The following ADGRL3 variants were observed in gnomAD, a reference collection of about 807,000 sequenced individuals.
ADGRL3 encodes adhesion G protein-coupled receptor L3, also known as calcium-independent alpha-latrotoxin receptor 3.
ADGRL3 carries 62 observed loss-of-function variants against 153.5 expected under a neutral mutation model. The ratio of observed to expected loss-of-function variants is 0.40; its 90% CI spans 0.33 to 0.50. The LOEUF is 0.50. Among genes scored for constraint, ADGRL3 ranks in the 20% least tolerant of loss-of-function variants. ADGRL3 has a pLI of 0.47. For synonymous variants in ADGRL3, 710 were observed against 672.5 expected (o/e 1.06, Z -0.86); for missense variants, 1,641 against 1,859.4 (o/e 0.88, Z 2.16).
intron 2 of ADGRL3, among the ~76,000 whole-genome samples, chr4:61,400,937 T>A (rs981663373): frequency 2.6e-5 from 4 of 151,814 alleles, no homozygotes; most frequent in Admixed American, 2.6e-4. Flanking sequence ...ATGCTCTGTT[T>A]GCATTAGATT....
At chr4:61,829,062 G>GATACTTTATCAGTTTAC (rs2097843060) in intron 9 of ADGRL3, among the ~76,000 whole-genome samples, 2 of 152,192 alleles carry the variant, frequency 1.3e-5, no homozygotes, top group African/African-American at 4.8e-5. Context: ...ATAAACATGT[G>GATACTTTATCAGTTTAC]TGGTACTTTA....
Position 61,912,750 on chromosome 4 carries a change from A to C in ADGRL3, c.2105A>C (p.Tyr702Ser). ...AAAAGAGAGCGCTCTTGCAGAGCCT[A>C]TGTCCAGGTACTTTCTGCGTTTTTA... ...LQKRERSCRA[Y>S]VQAMVETVNN... is the part of the protein sequence containing the mutation. The change falls in exon 13 of 27, where the codon TAT becomes TCT. Residue 702 changes from tyrosine to serine, a missense_variant. Physicochemically the swap from Tyr to Ser is moderately radical, Grantham distance 144 (BLOSUM62 -2). Coordinates refer to ENST00000683033, the MANE Select transcript of ADGRL3 (RefSeq NM_001387552.1). The C allele has an allele frequency of 6.2e-7, 1 of 1,613,174 alleles. No homozygotes were observed. Among genetic ancestry groups the C allele is most frequent in the Non-Finnish European group, 8.5e-7 (1 of 1,179,408 alleles).
intron 1 of ADGRL3, among the ~76,000 whole-genome samples, chr4:61,380,588 T>C (rs551355926): frequency 1.3e-3 from 192 of 152,160 alleles, no homozygotes; most frequent in African/African-American, 4.5e-3. Context: ...ATTAAAGCAA[T>C]CTAGTACTCA....
At chr4:61,814,998 G>T (rs925075900) in intron 9 of ADGRL3, among the ~76,000 whole-genome samples, 1 of 152,002 alleles carries the variant, frequency 6.6e-6, no homozygotes, top group African/African-American at 2.4e-5. Flanking sequence ...TCGGGTCTGC[G>T]CTTGGCACAT....
chr4:62,060,574 T>G (rs1038265004), intron 25 of ADGRL3, among the ~76,000 whole-genome samples: 16 of 151,898 alleles, frequency 1.1e-4, no homozygotes, highest in Admixed American at 3.9e-4. Context: ...ACTTTTTTAC[T>G]TGAAAAAGAT....
At chr4:61,985,609 T>A (rs1022461911) in intron 19 of ADGRL3, among the ~76,000 whole-genome samples, 3 of 152,150 alleles carry the variant, frequency 2.0e-5, no homozygotes, top group Non-Finnish European at 4.4e-5. Flanking sequence ...TAAAAGAGCT[T>A]GCTTCTCAGA....
chr4:61,716,264 T>C (rs1351611694), intron 6 of ADGRL3, among the ~76,000 whole-genome samples: 1 of 152,124 alleles, frequency 6.6e-6, no homozygotes, highest in East Asian at 1.9e-4. Context: ...AAAATCTTAA[T>C]ACATCCCTCA....
At chr4:61,334,261 A>G (rs1473895915) in intron 1 of ADGRL3, among the ~76,000 whole-genome samples, 1 of 151,966 alleles carries the variant, frequency 6.6e-6, no homozygotes, top group Non-Finnish European at 1.5e-5. Context: ...GAACTATAAT[A>G]TTTTTCTCCT....
At chr4:61,962,141 A>G (rs947259954) in intron 17 of ADGRL3, among the ~76,000 whole-genome samples, 5 of 152,046 alleles carry the variant, frequency 3.3e-5, no homozygotes, top group Admixed American at 6.6e-5. Context: ...CAGGAGGGTG[A>G]GGCAGGAAAA....
intron 3 of ADGRL3, among the ~76,000 whole-genome samples, chr4:61,511,145 G>A (rs888230051): frequency 6.6e-6 from 1 of 152,126 alleles, no homozygotes; most frequent in African/African-American, 2.4e-5. Flanking sequence ...ATCACTTGAG[G>A]TAGGGAGTTC....
intron 9 of ADGRL3, among the ~76,000 whole-genome samples, chr4:61,853,764 G>T (rs568427498): frequency 6.6e-6 from 1 of 152,248 alleles, no homozygotes; most frequent in Admixed American, 6.5e-5. Context: ...TAATATTCGA[G>T]ATTTATTCTT....
In ADGRL3 at chr4:62,044,480, A is replaced by G. The variant is rs770597179; in HGVS notation, c.3745A>G (p.Thr1249Ala). The change falls in exon 25 of 27, where the codon ACG becomes GCG. Residue 1249 changes from threonine to alanine, a missense_variant. Physicochemically the swap from Thr to Ala is moderately conservative, Grantham distance 58. This residue lies in a region of ADGRL3 where 517 missense variants were observed against 555.0 expected (regional missense o/e 0.93). Coordinates refer to ENST00000683033, the MANE Select transcript of ADGRL3 (RefSeq NM_001387552.1). The stretch of plus-strand genomic sequence containing the variant: ...CCGAATCCGTAGAATGTGGAATGAC[A>G]CGGTTCGAAAGCAGTCAGAGTCTTC... ...QSRIRRMWND[T>A]VRKQSESSFI... 6.9e-6 allele frequency: 11 copies of G among 1,595,950 alleles called. No homozygotes were observed. The highest frequency in any genetic ancestry group is 9.4e-6 in the Non-Finnish European group (11 of 1,170,744).
chr4:61,917,773 T>C (rs186771600), intron 13 of ADGRL3, among the ~76,000 whole-genome samples: 16 of 149,524 alleles, frequency 1.1e-4, no homozygotes, highest in Admixed American at 1.1e-3. Context: ...ACTATGCTGA[T>C]ATGCAGGAGC....
intron 8 of ADGRL3, among the ~76,000 whole-genome samples, chr4:61,807,809 G>A (rs2097568170): frequency 1.3e-5 from 2 of 152,164 alleles, no homozygotes; most frequent in Non-Finnish European, 1.5e-5. Context: ...CTGGGATGGG[G>A]AAAGCAGCAT....
At chr4:61,225,912 T>G (rs1747736650) in intron 1 of ADGRL3, among the ~76,000 whole-genome samples, 1 of 152,206 alleles carries the variant, frequency 6.6e-6, no homozygotes, top group African/African-American at 2.4e-5. Context: ...ATATTTCCCT[T>G]GTCTTCTTTA....
intron 2 of ADGRL3, among the ~76,000 whole-genome samples, chr4:61,424,319 G>C (rs187186759): frequency 1.3e-5 from 2 of 152,192 alleles, no homozygotes; most frequent in East Asian, 3.9e-4. Context: ...ACTCTTGACT[G>C]CCGCACAGCC....
chr4:61,834,709 A>G (rs868791459), intron 9 of ADGRL3, among the ~76,000 whole-genome samples: 2 of 152,170 alleles, frequency 1.3e-5, no homozygotes, highest in Admixed American at 6.5e-5. Context: ...TGGCTGAGCA[A>G]ACTCACATGA....
At chr4:61,396,151 A>G (rs114178199) in intron 2 of ADGRL3, among the ~76,000 whole-genome samples, 1 of 152,076 alleles carries the variant, frequency 6.6e-6, no homozygotes, top group African/African-American at 2.4e-5. Context: ...TGCTTGACAG[A>G]TTTCCCGTAC....
intron 19 of ADGRL3, among the ~76,000 whole-genome samples, chr4:61,989,032 T>C (rs1370093426): frequency 2.6e-5 from 4 of 152,194 alleles, no homozygotes; most frequent in South Asian, 2.1e-4. Flanking sequence ...TTCAAAGGGG[T>C]ACTTTCTCCT....
Sources: allele counts gnomAD v4.1 joint callset (sites outside exome capture counted in the v4.1 genomes callset), GRCh38; gene constraint gnomAD v4.1.1; regional missense constraint gnomAD v4.1.1; transcripts MANE v1.5; gene names NCBI Gene and HGNC (gene_info 2026-07-23, HGNC 2026-07-21).